Variants in CDYL2 observed in about 807,000 individuals in gnomAD.
The protein encoded by CDYL2 is chromodomain Y-like protein 2.
A neutral mutation model predicts 49.4 loss-of-function variants in CDYL2; 23 were observed. That is an observed-to-expected ratio of 0.47 (90% CI 0.34 to 0.66). CDYL2 has a LOEUF of 0.66. Among genes scored for constraint, CDYL2 ranks in the 30% least tolerant of loss-of-function variants. CDYL2 has a pLI of 0.01. For missense variants in CDYL2, 678 were observed against 656.4 expected (o/e 1.03, Z -0.36); for synonymous variants, 360 against 268.8 (o/e 1.34, Z -3.32).
chr16:80,761,519 G>T (rs144111098), intron 1 of CDYL2, among the ~76,000 whole-genome samples: 47 of 152,240 alleles, frequency 3.1e-4, no homozygotes, highest in Admixed American at 2.2e-3. Flanking sequence ...TCCTGCCACA[G>T]CTCTCAAAAT....
chr16:80,620,941 G>A lies in CDYL2; in HGVS notation c.835-6C>T, dbSNP rs372002661. ...CGCCGGACTTCTTTCATGATCTGCC[G>A]GCAGAGATGAATTTGCAGGGATGTT... On this transcript the variant is annotated splice_polypyrimidine_tract_variant and splice_region_variant and intron_variant, in intron 3 of 6. Coordinates refer to ENST00000570137, the MANE Select transcript of CDYL2 (RefSeq NM_152342.4). 213 of 1,587,002 alleles carry A rather than the reference G, an allele frequency of 1.3e-4. 3 individuals carry two copies. The South Asian group carries it at 2.0e-3, about 15-fold the overall frequency.
At chr16:80,780,425 G>A (rs1221888474) in intron 1 of CDYL2, among the ~76,000 whole-genome samples, 6 of 102,430 alleles carry the variant, frequency 5.9e-5, no homozygotes, top group African/African-American at 1.2e-4. Flanking sequence ...TTTTTTTGCA[G>A]ACAGAGTCTT....
chr16:80,635,154 G>A (rs1011080147), intron 2 of CDYL2, among the ~76,000 whole-genome samples: 1 of 152,158 alleles, frequency 6.6e-6, no homozygotes, highest in Non-Finnish European at 1.5e-5. Context: ...TCAATATTTG[G>A]AAACCAATCA....
intron 2 of CDYL2, among the ~76,000 whole-genome samples, chr16:80,658,155 G>A (rs1356068599): frequency 1.3e-5 from 2 of 151,482 alleles, no homozygotes; most frequent in Admixed American, 6.6e-5. Context: ...CAATGAAATT[G>A]ATTATCACAA....
rs145824263 is a variant in CDYL2 at position 80,636,664 on chromosome 16, G to T, written c.617-3428C>A. 4.9e-3 allele frequency among the ~76,000 whole-genome samples: 753 copies of T among 152,238 alleles called. 3 individuals carry two copies. Among genetic ancestry groups the T allele is most frequent in the Middle Eastern group, 0.01 (3 of 294 alleles). On this transcript the variant is annotated intron_variant, in intron 2 of 6. Coordinates refer to ENST00000570137, the MANE Select transcript of CDYL2 (RefSeq NM_152342.4). Reference sequence around the variant, plus strand: ...AGTGTGGCGATTCCTCAAGGATCTAGAACTAGAAATACCATTTAACCCAGC... The same window carrying T: ...AGTGTGGCGATTCCTCAAGGATCTATAACTAGAAATACCATTTAACCCAGC...
intron 1 of CDYL2, 125 bp downstream of exon 1, chr16:80,804,025 C>G (rs1025175800): frequency 2.9e-6 from 2 of 698,170 alleles, no homozygotes; most frequent in Non-Finnish European, 3.5e-6. Flanking sequence ...GCCGCCGCCG[C>G]CGCCGCGGGC....
At chr16:80,729,430 G>A (rs1341517618) in intron 1 of CDYL2, among the ~76,000 whole-genome samples, 1 of 152,116 alleles carries the variant, frequency 6.6e-6, no homozygotes, top group Non-Finnish European at 1.5e-5. Context: ...ATCCAATACA[G>A]GAGCACCCAG....
intron 1 of CDYL2, among the ~76,000 whole-genome samples, chr16:80,714,133 T>C (rs1167913450): frequency 6.6e-6 from 1 of 152,212 alleles, no homozygotes; most frequent in African/African-American, 2.4e-5. Flanking sequence ...TATATTCAAA[T>C]GTAAACTGGA....
At chr16:80,615,994 G>A (rs1396168834) in intron 4 of CDYL2, among the ~76,000 whole-genome samples, 1 of 152,186 alleles carries the variant, frequency 6.6e-6, no homozygotes, top group East Asian at 1.9e-4. Flanking sequence ...GGGGAAAACT[G>A]TACGCCACCT....
At chr16:80,670,442 G>T (rs999895916) in intron 2 of CDYL2, among the ~76,000 whole-genome samples, 1 of 152,166 alleles carries the variant, frequency 6.6e-6, no homozygotes, top group Admixed American at 6.5e-5. Flanking sequence ...CGCCATGATT[G>T]TAAGTTTCCT....
At chr16:80,620,324 T>A (rs1021776670) in intron 4 of CDYL2, among the ~76,000 whole-genome samples, 3 of 152,140 alleles carry the variant, frequency 2.0e-5, no homozygotes, top group African/African-American at 7.2e-5. Context: ...AACCCCTCCA[T>A]CAACCTCCCC....
intron 1 of CDYL2, among the ~76,000 whole-genome samples, chr16:80,694,049 G>T (rs970123422): frequency 6.6e-6 from 1 of 152,282 alleles, no homozygotes; most frequent in East Asian, 1.9e-4. Context: ...CAACCTTTTT[G>T]GCACCAAGGA....
At chr16:80,611,817 T>C (rs1241991149) in intron 5 of CDYL2, among the ~76,000 whole-genome samples, 2 of 152,218 alleles carry the variant, frequency 1.3e-5, no homozygotes. Flanking sequence ...GTGCCAGCTG[T>C]CATCAGTGCT....
chr16:80,788,052 A>C (rs79192098), intron 1 of CDYL2, among the ~76,000 whole-genome samples: 144 of 152,282 alleles, frequency 9.5e-4, no homozygotes, highest in African/African-American at 3.3e-3. Flanking sequence ...TGCCAATTCC[A>C]ACCGTGAAGG....
intron 1 of CDYL2, among the ~76,000 whole-genome samples, chr16:80,764,206 A>T (rs1311212646): frequency 6.6e-6 from 1 of 152,244 alleles, no homozygotes; most frequent in Non-Finnish European, 1.5e-5. Flanking sequence ...TTTCAGAAAC[A>T]GCATCTTATA....
At chr16:80,777,189 G>A (rs1401665890) in intron 1 of CDYL2, among the ~76,000 whole-genome samples, 4 of 152,182 alleles carry the variant, frequency 2.6e-5, no homozygotes, top group African/African-American at 7.2e-5. Flanking sequence ...CTCTTGGGGA[G>A]ACGGAAGGAG....
chr16:80,655,375 T>C (rs1056631907), intron 2 of CDYL2, among the ~76,000 whole-genome samples: 7 of 151,948 alleles, frequency 4.6e-5, no homozygotes, highest in African/African-American at 1.7e-4. Flanking sequence ...CAAAAGAAAG[T>C]AGAGAAATAG....
intron 1 of CDYL2, among the ~76,000 whole-genome samples, chr16:80,746,880 CCA>C (rs1374641396): frequency 6.6e-6 from 1 of 152,156 alleles, no homozygotes; most frequent in East Asian, 1.9e-4. Context: ...CACTTAAAGT[CCA>C]GATTCCCAGC....
intron 1 of CDYL2, among the ~76,000 whole-genome samples, chr16:80,803,809 G>T (rs1908006153): frequency 6.9e-6 from 1 of 144,930 alleles, no homozygotes; most frequent in African/African-American, 2.5e-5. Context: ...GGCTCGTCGG[G>T]CGAGAAACAC....
Sources: gnomAD v4.1 joint callset for allele counts (sites outside exome capture counted in the v4.1 genomes callset) on GRCh38, gnomAD v4.1.1 for gene constraint, MANE v1.5 for transcripts, NCBI Gene and HGNC (gene_info 2026-07-23, HGNC 2026-07-21) for gene names.